The following INPP5E variants were observed in gnomAD, a reference collection of about 807,000 sequenced individuals.
INPP5E encodes the protein phosphatidylinositol polyphosphate 5-phosphatase type IV.
In INPP5E, 34 loss-of-function variants were observed where a neutral mutation model predicts 50.5. The observed-to-expected ratio is 0.67, with a 90% CI of 0.51 to 0.90. The LOEUF is 0.90. Among genes scored for constraint, INPP5E ranks in the 40% least tolerant of loss-of-function variants. The probability of loss-of-function intolerance (pLI) is 0.00; values close to 1 mark genes in which losing one functional copy is unlikely to be tolerated. For synonymous variants in INPP5E, 447 were observed against 406.0 expected, an observed-to-expected ratio of 1.10 and a Z score of -1.21; for missense variants, 942 against 905.5, an observed-to-expected ratio of 1.04 and a Z score of -0.52.
At chr9:136,431,211 A>ACCCCCCCCCCCCCCCCCCCCCC in intron 7 of INPP5E, 94 bp from the exon 8 acceptor site, 2 of 351,958 alleles carry the variant, frequency 5.7e-6, no homozygotes, top group Non-Finnish European at 4.6e-6. Flanking sequence ...CACCACGCCC[A>ACCCCCCCCCCCCCCCCCCCCCC]CCCTCCCCCC....
intron 2 of INPP5E, among the ~76,000 whole-genome samples, chr9:136,434,459 C>T (rs1042078552): frequency 6.6e-6 from 1 of 151,228 alleles, no homozygotes; most frequent in Non-Finnish European, 1.5e-5. Context: ...TGGCCGCCCT[C>T]CCGCTCACCT....
In INPP5E at chr9:136,433,149, G is replaced by A. The variant is rs367840840; in HGVS notation, c.1159+6C>T. On this transcript the variant is annotated splice_donor_region_variant and intron_variant, in intron 4 of 9. Coordinates refer to ENST00000371712, the MANE Select transcript of INPP5E (RefSeq NM_019892.6). ...CAGCCGCGCCCACCCCTCCAGCCGCGCCCACCTGAGCAGAACCAGATGAGG... is the reference window on the plus strand; with the variant it reads ...CAGCCGCGCCCACCCCTCCAGCCGCACCCACCTGAGCAGAACCAGATGAGG... The A allele has an allele frequency of 9.3e-6, 15 of 1,605,310 alleles. No homozygotes were observed. Among genetic ancestry groups the A allele is most frequent in the Middle Eastern group, 3.3e-4 (2 of 6,054 alleles).
Position 136,438,622 on chromosome 9 carries a change from C to T in INPP5E, c.798G>A (p.Lys266=). The T allele has an allele frequency of 6.4e-7, 1 of 1,563,278 alleles. No individual in the cohort carries two copies. Among genetic ancestry groups the T allele is most frequent in the South Asian group, 1.2e-5 (1 of 85,538 alleles). ...GCCCTCCCTACCTGCTGCGGACGTC[C>T]TTGCTGCGGATGGGCGCCAGGAGGC... ...SFSLLAPIRS[K]DVRSRSYLEG... is the part of the protein sequence containing the mutation. Residue 266 remains lysine (K), a synonymous_variant, in exon 1 of 10, where the codon AAG becomes AAA. Transcript: ENST00000371712.
At chr9:136,433,784 G>C (rs1045924884) in intron 3 of INPP5E, among the ~76,000 whole-genome samples, 1 of 152,242 alleles carries the variant, frequency 6.6e-6, no homozygotes, top group African/African-American at 2.4e-5. Flanking sequence ...CCACCCAGGC[G>C]TGGAGGCTGC....
intron 1 of INPP5E, chr9:136,438,152 G>A: frequency 5.3e-6 from 1 of 189,366 alleles, no homozygotes; most frequent in South Asian, 1.0e-4. Context: ...GCGGGCGCCT[G>A]TAATCCCAGA....
At chr9:136,434,694 G>T in intron 2 of INPP5E, 46 bp downstream of exon 2, 1 of 1,573,560 alleles carries the variant, frequency 6.4e-7, no homozygotes, top group Non-Finnish European at 8.6e-7. Context: ...CCTTTGTCCA[G>T]CACCACCCCA....
intron 6 of INPP5E, 145 bp from the exon 7 acceptor site, chr9:136,432,130 G>T: frequency 4.0e-6 from 4 of 998,598 alleles, no homozygotes; most frequent in Non-Finnish European, 6.2e-6. Flanking sequence ...GGTGGGATTC[G>T]CACTGGGACA....
rs760104995 is a variant in INPP5E at position 136,432,891 on chromosome 9, G to C, written c.1279+65C>G. 8 of 1,580,726 alleles carry C rather than the reference G, an allele frequency of 5.1e-6. No individual in the cohort carries two copies. The African/African-American group carries it at 1.1e-4, about 21-fold the overall frequency. ...CGGTCAGGACCCCTGCCTTGGACAGGGTCCCGGTCAGGAGAGGAAGCTGTT... is the reference window on the plus strand; with the variant it reads ...CGGTCAGGACCCCTGCCTTGGACAGCGTCCCGGTCAGGAGAGGAAGCTGTT... On this transcript the variant is annotated intron_variant, in intron 5 of 9. Coordinates refer to ENST00000371712, the MANE Select transcript of INPP5E (RefSeq NM_019892.6).
chr9:136,438,939 G>A lies in INPP5E; in HGVS notation c.481C>T (p.Leu161Phe). The A allele has an allele frequency of 6.4e-7, 1 of 1,569,814 alleles. No homozygotes were observed. The highest frequency in any genetic ancestry group is 8.6e-7 in the Non-Finnish European group (1 of 1,157,902). Residue 161 changes from leucine to phenylalanine, a missense_variant, in exon 1 of 10, where the codon CTC becomes TTC. Transcript: ENST00000371712. Reference protein sequence around the residue: ...RGSPSSGGNPLSGVASSSPNL... With the variant: ...RGSPSSGGNPFSGVASSSPNL... ...GGGGAGCTGCTGGCCACCCCAGAGA[G>A]AGGGTTACCCCCCGAGGACGGGCTC...
chr9:136,429,886 AGGG>A, intron 9 of INPP5E, 79 bp from the exon 10 acceptor site: 1 of 1,050,318 alleles, frequency 9.5e-7, no homozygotes, highest in Non-Finnish European at 1.5e-6. Context: ...GCCCCGGAGG[AGGG>A]GGCATTTAAG....
intron 1 of INPP5E, chr9:136,438,265 T>G: frequency 2.1e-5 from 7 of 337,838 alleles, no homozygotes; most frequent in South Asian, 3.5e-5. Flanking sequence ...ACAGAGAGAG[T>G]AACAAACAAA....
intron 3 of INPP5E, 73 bp downstream of exon 3, chr9:136,433,964 C>T (rs1368375204): frequency 6.6e-5 from 80 of 1,215,268 alleles, no homozygotes; most frequent in Non-Finnish European, 8.9e-5. Context: ...GCCATGACCA[C>T]AGGTCTCAGC....
At chr9:136,433,592 C>A (rs533703647) in intron 3 of INPP5E, among the ~76,000 whole-genome samples, 175 of 152,308 alleles carry the variant, frequency 1.1e-3, no homozygotes, top group African/African-American at 4.0e-3. Flanking sequence ...CCCCAGAGCA[C>A]CTGTGTGGGC....
intron 1 of INPP5E, chr9:136,436,899 G>A (rs888581464): frequency 3.9e-5 from 6 of 152,212 alleles, no homozygotes; most frequent in African/African-American, 1.2e-4. Flanking sequence ...AAGGATCCAC[G>A]TCAACCCTCG....
In INPP5E at chr9:136,434,021, C is replaced by T. The variant is rs1439608022; in HGVS notation, c.1034+16G>A. On this transcript the variant is annotated intron_variant, in intron 3 of 9. Transcript: ENST00000371712. ...CAGCCCCTGGGCAGGCACTGCAGGG[C>T]CTGCAGCCGCCCTACCTGTCAGAAC... 3.1e-6 allele frequency: 5 copies of T among 1,589,110 alleles called. No individual in the cohort carries two copies. The highest frequency in any genetic ancestry group is 3.4e-5 in the Admixed American group (2 of 58,264).
At chr9:136,434,937 G>T in intron 1 of INPP5E, 74 bp from the exon 2 acceptor site, 1 of 1,537,278 alleles carries the variant, frequency 6.5e-7, no homozygotes, top group Admixed American at 1.9e-5. Context: ...GGTCCCCAGG[G>T]ACAATAGCAA....
chr9:136,430,356 A>G lies in INPP5E; in HGVS notation c.1723T>C (p.Ser575Pro), dbSNP rs749810093. 2 of 1,555,174 alleles carry G rather than the reference A, an allele frequency of 1.3e-6. No individual in the cohort carries two copies. The highest frequency in any genetic ancestry group is 2.7e-5 in the African/African-American group (2 of 73,502). The change falls in exon 9 of 10, where the codon TCC becomes CCC. Residue 575 changes from serine (S) to proline (P), a missense_variant. By Grantham distance (74) the Ser-to-Pro change is moderately conservative. Transcript: ENST00000371712. ...KGDICPVSYS[S>P]CPGIKTSDHR... ...TCGGACGTCTTGATCCCGGGGCAGG[A>G]AGAGTAGCTCACAGGACAGATGTCA...
chr9:136,430,542 C>A (rs770924738), intron 8 of INPP5E, 129 bp from the exon 9 acceptor site: 66 of 1,159,186 alleles, frequency 5.7e-5, no homozygotes, highest in Non-Finnish European at 8.0e-5. Flanking sequence ...GACACTCATG[C>A]CCATTTTGTT....
intron 5 of INPP5E, 86 bp downstream of exon 5, chr9:136,432,870 C>G (rs1234970361): frequency 1.3e-6 from 2 of 1,529,312 alleles, no homozygotes; most frequent in Non-Finnish European, 1.8e-6. Flanking sequence ...AGCCAGCGGT[C>G]AGGACCCCTG....
Sources: gnomAD v4.1 joint callset for allele counts (sites outside exome capture counted in the v4.1 genomes callset) on GRCh38, gnomAD v4.1.1 for gene constraint, MANE v1.5 for transcripts, NCBI Gene and HGNC (gene_info 2026-07-23, HGNC 2026-07-21) for gene names.